Variants in RASEF observed in about 807,000 individuals in gnomAD.
The protein encoded by RASEF is ras and EF-hand domain-containing protein.
RASEF carries 68 observed loss-of-function variants against 90.1 expected under a neutral mutation model. The observed-to-expected ratio is 0.75, with a 90% CI of 0.62 to 0.92. The LOEUF (loss-of-function observed/expected upper bound fraction) is 0.92. Ranked by LOEUF, RASEF falls within the 40% of genes least tolerant of loss-of-function variation. The pLI is 0.00. For synonymous variants in RASEF, 331 were observed against 345.2 expected, an observed-to-expected ratio of 0.96 and a Z score of 0.46; for missense variants, 949 against 937.2, an observed-to-expected ratio of 1.01 and a Z score of -0.16.
the RASEF span, among the ~76,000 whole-genome samples, chr9:83,126,225 A>C: frequency 3.9e-5 from 6 of 152,144 alleles, no homozygotes; most frequent in Admixed American, 3.9e-4. Flanking sequence ...GGAGGTAATT[A>C]GGTCATGAAG....
chr9:83,200,223 C>T, the RASEF span, among the ~76,000 whole-genome samples: 1 of 151,996 alleles, frequency 6.6e-6, no homozygotes, highest in Non-Finnish European at 1.5e-5. Context: ...TGGTAAAACC[C>T]CATCTCTACT....
the RASEF span, among the ~76,000 whole-genome samples, chr9:83,118,033 T>G: frequency 2.6e-5 from 4 of 152,164 alleles, no homozygotes; most frequent in Non-Finnish European, 5.9e-5. Flanking sequence ...TTTACTCAAC[T>G]GACAAATGTG....
At chr9:83,036,385 A>C (rs1271250961) in intron 1 of RASEF, among the ~76,000 whole-genome samples, 1 of 152,226 alleles carries the variant, frequency 6.6e-6, no homozygotes, top group Non-Finnish European at 1.5e-5. Flanking sequence ...AGTCAGTGGG[A>C]AATTGGAAAA....
the RASEF span, among the ~76,000 whole-genome samples, chr9:83,112,559 T>C: frequency 6.6e-6 from 1 of 152,082 alleles, no homozygotes; most frequent in African/African-American, 2.4e-5. Context: ...TGGTGGCTCA[T>C]GCCTGTAATC....
At chr9:83,148,204 A>G in the RASEF span, among the ~76,000 whole-genome samples, 1 of 152,086 alleles carries the variant, frequency 6.6e-6, no homozygotes, top group African/African-American at 2.4e-5. Context: ...AGAAAATCAT[A>G]AAGTGTTTTT....
At chr9:82,985,718 G>C (rs1472931302) in intron 16 of RASEF, among the ~76,000 whole-genome samples, 1 of 152,158 alleles carries the variant, frequency 6.6e-6, no homozygotes, top group East Asian at 1.9e-4. Flanking sequence ...CTGAACCAAA[G>C]CAGAAAAAGG....
At chr9:83,217,724 C>T in the RASEF span, among the ~76,000 whole-genome samples, 25 of 152,118 alleles carry the variant, frequency 1.6e-4, no homozygotes, top group African/African-American at 6.0e-4. Context: ...GACCCAGTCT[C>T]AGGTATGTCT....
At chr9:83,204,122 T>C in the RASEF span, among the ~76,000 whole-genome samples, 3 of 151,898 alleles carry the variant, frequency 2.0e-5, no homozygotes, top group Non-Finnish European at 2.9e-5. Flanking sequence ...TTCAAAAACA[T>C]TTAGGAGGTA....
intron 4 of RASEF, among the ~76,000 whole-genome samples, chr9:83,013,667 T>C (rs897564581): frequency 7.2e-5 from 11 of 152,232 alleles, no homozygotes; most frequent in African/African-American, 2.2e-4. Context: ...TGTAGTAAGA[T>C]GGCTTCATCA....
chr9:83,019,826 A>G (rs2118548742), intron 3 of RASEF, among the ~76,000 whole-genome samples: 1 of 152,370 alleles, frequency 6.6e-6, no homozygotes, highest in East Asian at 1.9e-4. Flanking sequence ...GAAATAGCAT[A>G]TATTGCATGA....
chr9:83,065,404 G>A (rs1830274698), upstream of RASEF, among the ~76,000 whole-genome samples: 1 of 152,144 alleles, frequency 6.6e-6, no homozygotes, highest in Non-Finnish European at 1.5e-5. Context: ...TGTTGGCTGG[G>A]CCATGTGTCT....
chr9:83,149,772 C>G, the RASEF span, among the ~76,000 whole-genome samples: 3 of 152,184 alleles, frequency 2.0e-5, no homozygotes, highest in African/African-American at 7.2e-5. Flanking sequence ...TTTAACACCC[C>G]CTCTTCTACA....
chr9:83,087,338 A>G, the RASEF span, among the ~76,000 whole-genome samples: 50 of 151,564 alleles, frequency 3.3e-4, no homozygotes, highest in Admixed American at 8.5e-4. Context: ...GGGAGCCTTC[A>G]TGATGGGAGT....
At chr9:83,110,028 A>C in the RASEF span, among the ~76,000 whole-genome samples, 1 of 152,172 alleles carries the variant, frequency 6.6e-6, no homozygotes, top group Non-Finnish European at 1.5e-5. Context: ...TAAGTTTATC[A>C]AAAAAACATT....
chr9:83,126,253 T>C, the RASEF span, among the ~76,000 whole-genome samples: 5 of 152,154 alleles, frequency 3.3e-5, no homozygotes, highest in African/African-American at 1.2e-4. Context: ...GTCCTTATGA[T>C]AGGATTAGTG....
rs551434096 is a variant in RASEF, at chr9:82,982,019, CCTT to C, written c.*655_*657del. On this transcript the variant is annotated 3_prime_UTR_variant, in exon 17 of 17. Coordinates refer to ENST00000376447, the MANE Select transcript of RASEF (RefSeq NM_152573.4). ...TTTCCATTTTTTAATCAAATTCTGT[CCTT>C]ATTTCAGAAGTGAGAAAAATCAATA... The C allele has an allele frequency of 3.4e-4, 52 of 152,286 alleles. No homozygotes were observed. Among genetic ancestry groups the C allele is most frequent in the African/African-American group, 1.2e-3 (48 of 41,556 alleles). 9.4% of individuals were successfully genotyped at this position (152,286 alleles called of 1,614,324 possible).
At chr9:83,194,542 TC>T in the RASEF span, among the ~76,000 whole-genome samples, 1 of 152,086 alleles carries the variant, frequency 6.6e-6, no homozygotes, top group Non-Finnish European at 1.5e-5. Flanking sequence ...AATCACTTTT[TC>T]CCCCTTATAT....
At chr9:83,084,368 G>A in the RASEF span, among the ~76,000 whole-genome samples, 2 of 152,078 alleles carry the variant, frequency 1.3e-5, no homozygotes, top group African/African-American at 4.8e-5. Context: ...ATGTTATATA[G>A]CTTCTTATAT....
rs559072844 is a variant in RASEF at position 83,001,086 on chromosome 9, G to T, written c.1247C>A (p.Ala416Asp). Residue 416 changes from alanine (A) to aspartate (D), a missense_variant, in exon 10 of 17, where the codon GCC (alanine) becomes GAC (aspartate). Coordinates refer to ENST00000376447, the MANE Select transcript of RASEF (RefSeq NM_152573.4). ...SYVDEDCDSL[A>D]LCDPLQRTNC... ...TGTCCTCTGCAGAGGATCACAGAGGGCCAGGGAGTCACAGTCCTCATCCAC... is the reference window on the plus strand; with the variant it reads ...TGTCCTCTGCAGAGGATCACAGAGGTCCAGGGAGTCACAGTCCTCATCCAC... 1.2e-5 allele frequency: 19 copies of T among 1,614,046 alleles called. No individual in the cohort carries two copies. Among genetic ancestry groups the T allele is most frequent in the Non-Finnish European group, 1.6e-5 (19 of 1,180,012 alleles).
Sources: allele counts gnomAD v4.1 joint callset (sites outside exome capture counted in the v4.1 genomes callset), GRCh38; gene constraint gnomAD v4.1.1; transcripts MANE v1.5; gene names NCBI Gene and HGNC (gene_info 2026-07-23, HGNC 2026-07-21).